The following GRIK2 variants were observed in gnomAD, a reference collection of about 807,000 sequenced individuals.
GRIK2 encodes the protein glutamate ionotropic receptor kainate type subunit 2.
Under a neutral mutation model 100.3 loss-of-function variants are expected in GRIK2, and 32 were observed. The ratio of observed to expected loss-of-function variants is 0.32; its 90% CI spans 0.24 to 0.43. The LOEUF (loss-of-function observed/expected upper bound fraction) is 0.43. GRIK2 is among the 20% of genes least tolerant of loss of function. The pLI is 1.00. For synonymous variants in GRIK2, 417 were observed against 389.4 expected, an observed-to-expected ratio of 1.07 and a Z score of -0.83; for missense variants, 843 against 1,114.9, an observed-to-expected ratio of 0.76 and a Z score of 3.47.
chr6:101,538,040 C>A (rs1775800885), intron 2 of GRIK2, among the ~76,000 whole-genome samples: 6 of 151,800 alleles, frequency 4.0e-5, no homozygotes, highest in Non-Finnish European at 8.8e-5. Flanking sequence ...GTATGCACAA[C>A]AATAACATTT....
intron 7 of GRIK2, among the ~76,000 whole-genome samples, chr6:101,786,547 TC>T (rs995006533): frequency 6.6e-6 from 1 of 152,132 alleles, no homozygotes; most frequent in Non-Finnish European, 1.5e-5. Context: ...TCTGTTGAGA[TC>T]ACATGATTTT....
chr6:101,660,521 A>G (rs1021474042), intron 4 of GRIK2, among the ~76,000 whole-genome samples: 4 of 152,188 alleles, frequency 2.6e-5, no homozygotes, highest in South Asian at 2.1e-4. Flanking sequence ...CTTGCTGGTG[A>G]GGAGTTGTGA....
At chr6:101,686,705 A>C (rs1771726499) in intron 7 of GRIK2, among the ~76,000 whole-genome samples, 1 of 152,236 alleles carries the variant, frequency 6.6e-6, no homozygotes, top group Middle Eastern at 3.4e-3. Flanking sequence ...TCAATATACG[A>C]ATACTCTTCA....
At chr6:101,467,962 A>G (rs1375403622) in intron 2 of GRIK2, among the ~76,000 whole-genome samples, 2 of 149,248 alleles carry the variant, frequency 1.3e-5, no homozygotes, top group Non-Finnish European at 3.0e-5. Flanking sequence ...AGGATGTAGG[A>G]GTGTCTCTCA....
At chr6:101,898,862 T>C (rs1285284304) in intron 12 of GRIK2, among the ~76,000 whole-genome samples, 2 of 151,944 alleles carry the variant, frequency 1.3e-5, no homozygotes, top group African/African-American at 2.4e-5. Flanking sequence ...ATTTTAGTGA[T>C]AAATCACATC....
intron 4 of GRIK2, among the ~76,000 whole-genome samples, chr6:101,655,744 G>A (rs915442450): frequency 2.0e-5 from 3 of 152,152 alleles, no homozygotes; most frequent in Admixed American, 2.0e-4. Context: ...ACATAATGTT[G>A]ATAGGGAATA....
intron 2 of GRIK2, among the ~76,000 whole-genome samples, chr6:101,463,149 A>G (rs1307919011): frequency 6.6e-6 from 1 of 152,174 alleles, no homozygotes; most frequent in African/African-American, 2.4e-5. Context: ...ATTATTTTAA[A>G]CAATATTCTG....
chr6:101,768,203 A>T (rs1778157406), intron 7 of GRIK2, among the ~76,000 whole-genome samples: 1 of 152,158 alleles, frequency 6.6e-6, no homozygotes, highest in Admixed American at 6.6e-5. Context: ...ACACAACATA[A>T]ATTGCTTAAC....
At chr6:102,048,263 A>G (rs1324461568) in intron 15 of GRIK2, among the ~76,000 whole-genome samples, 1 of 152,016 alleles carries the variant, frequency 6.6e-6, no homozygotes, top group African/African-American at 2.4e-5. Context: ...GTACTAGAAG[A>G]AAACATAGGG....
At chr6:101,815,110 G>C (rs1452443680) in intron 9 of GRIK2, among the ~76,000 whole-genome samples, 1 of 152,154 alleles carries the variant, frequency 6.6e-6, no homozygotes, top group Non-Finnish European at 1.5e-5. Flanking sequence ...AGTCAAATAC[G>C]CTGTCCATAA....
chr6:101,857,880 C>A (rs928272260), intron 10 of GRIK2, among the ~76,000 whole-genome samples: 28 of 152,148 alleles, frequency 1.8e-4, no homozygotes, highest in African/African-American at 6.3e-4. Flanking sequence ...CTTGTTCAAC[C>A]AACTCACTCA....
chr6:101,841,605 C>T (rs149089942), intron 10 of GRIK2, among the ~76,000 whole-genome samples: 4,798 of 152,154 alleles, frequency 0.032, 135 homozygotes, highest in Non-Finnish European at 0.047. Context: ...CTCGAGTGAT[C>T]CACCTGCCTG....
chr6:101,664,010 G>A (rs1468177799), intron 4 of GRIK2, among the ~76,000 whole-genome samples: 1 of 152,090 alleles, frequency 6.6e-6, no homozygotes, highest in Non-Finnish European at 1.5e-5. Context: ...TATAAAATGG[G>A]AAAAAGGGAA....
At chr6:101,708,232 G>T (rs1213608680) in intron 7 of GRIK2, among the ~76,000 whole-genome samples, 1 of 151,586 alleles carries the variant, frequency 6.6e-6, no homozygotes, top group African/African-American at 2.4e-5. Flanking sequence ...ACAATATAGA[G>T]CTCAACTTGA....
chr6:101,998,027 T>C (rs1398743286), intron 14 of GRIK2, among the ~76,000 whole-genome samples: 1 of 152,076 alleles, frequency 6.6e-6, no homozygotes. Flanking sequence ...AGCGAGAAAA[T>C]ACCACAGTGA....
chr6:102,028,383 GA>G (rs1300226492), intron 14 of GRIK2, among the ~76,000 whole-genome samples: 1 of 150,956 alleles, frequency 6.6e-6, no homozygotes, highest in Non-Finnish European at 1.5e-5. Flanking sequence ...TGCTGATGTA[GA>G]AAAAAACAAA....
intron 2 of GRIK2, among the ~76,000 whole-genome samples, chr6:101,420,799 G>A (rs1313930804): frequency 6.6e-6 from 1 of 152,184 alleles, no homozygotes; most frequent in Non-Finnish European, 1.5e-5. Flanking sequence ...GTGCAAATAT[G>A]AAGGTTTTTT....
At chr6:101,983,766 G>C (rs1392919727) in intron 14 of GRIK2, among the ~76,000 whole-genome samples, 1 of 151,688 alleles carries the variant, frequency 6.6e-6, no homozygotes, top group African/African-American at 2.4e-5. Context: ...GAATAGGGTT[G>C]TCCTAGGAAT....
chr6:101,849,321 T>C (rs1464238732), intron 10 of GRIK2, among the ~76,000 whole-genome samples: 1 of 152,070 alleles, frequency 6.6e-6, no homozygotes, highest in African/African-American at 2.4e-5. Flanking sequence ...TCCATAGTAA[T>C]ACCTTTCATC....
Sources: allele counts gnomAD v4.1 joint callset (sites outside exome capture counted in the v4.1 genomes callset), GRCh38; gene constraint gnomAD v4.1.1; transcripts MANE v1.5; gene names NCBI Gene and HGNC (gene_info 2026-07-23, HGNC 2026-07-21).